Variants in DNAH14 observed in about 807,000 individuals in gnomAD.
The protein encoded by DNAH14 is axonemal beta dynein heavy chain 14.
Under a neutral mutation model 520.9 loss-of-function variants are expected in DNAH14, and 478 were observed. The observed-to-expected ratio is 0.92, with a 90% confidence interval of 0.85 to 0.99. The LOEUF is 0.99. Ranked by LOEUF, DNAH14 falls within the 50% of genes least tolerant of loss-of-function variation. The pLI, the probability that DNAH14 is intolerant of heterozygous loss-of-function variation, is 0.00. For synonymous variants in DNAH14, 1,581 were observed against 1,757.2 expected (o/e 0.90, Z 2.51); for missense variants, 4,831 against 5,234.5 (o/e 0.92, Z 2.38).
intron 43 of DNAH14, chr1:225,250,715 C>T (rs970306850): frequency 1.9e-6 from 1 of 533,086 alleles, no homozygotes; most frequent in African/African-American, 2.0e-5. Context: ...TGGGCAAGTA[C>T]CTTTATTGTG....
chr1:225,379,243 T>C (rs567479855), intron 79 of DNAH14, among the ~76,000 whole-genome samples: 1 of 152,220 alleles, frequency 6.6e-6, no homozygotes, highest in Non-Finnish European at 1.5e-5. Context: ...TCTTTTTCAT[T>C]GTCTTGCAGA....
chr1:224,964,129 C>T (rs1460206945), intron 4 of DNAH14, among the ~76,000 whole-genome samples: 1 of 152,118 alleles, frequency 6.6e-6, no homozygotes, highest in Non-Finnish European at 1.5e-5. Flanking sequence ...CTCCATCCCA[C>T]ACTGTCATCC....
intron 41 of DNAH14, among the ~76,000 whole-genome samples, chr1:225,221,900 G>T (rs901472277): frequency 2.0e-5 from 3 of 152,220 alleles, no homozygotes; most frequent in East Asian, 3.9e-4. Flanking sequence ...CAATTCAGGG[G>T]GTCAACTATG....
At chr1:225,382,183 A>T (rs745460179) in intron 81 of DNAH14, among the ~76,000 whole-genome samples, 4 of 152,190 alleles carry the variant, frequency 2.6e-5, no homozygotes, top group Non-Finnish European at 5.9e-5. Flanking sequence ...TTTGAGGGAA[A>T]TGCAAATCAA....
At chr1:225,229,885 T>G (rs1182434746) in intron 41 of DNAH14, among the ~76,000 whole-genome samples, 1 of 152,166 alleles carries the variant, frequency 6.6e-6, no homozygotes, top group Non-Finnish European at 1.5e-5. Context: ...CTGCACATTC[T>G]GCACATGTAT....
At chr1:225,000,623 A>G (rs1385279661) in intron 8 of DNAH14, among the ~76,000 whole-genome samples, 1 of 145,208 alleles carries the variant, frequency 6.9e-6, no homozygotes, top group African/African-American at 2.6e-5. Context: ...CCCAGGCTGG[A>G]TGGAGTGCAG....
intron 36 of DNAH14, among the ~76,000 whole-genome samples, chr1:225,175,679 TGTAA>T (rs1490622228): frequency 6.6e-6 from 1 of 150,540 alleles, no homozygotes; most frequent in Non-Finnish European, 1.5e-5. Context: ...TTTCTTGAGG[TGTAA>T]GTGTGTTTAT....
Position 224,939,051 on chromosome 1 carries a change from A to G in DNAH14, c.-34+9216A>G, listed in dbSNP as rs146715265. Among the ~76,000 whole-genome samples the G allele has an allele frequency of 3.6e-3, 543 of 152,328 alleles. 3 individuals are homozygous for G. The highest frequency in any genetic ancestry group is 4.9e-3 in the Non-Finnish European group (335 of 68,030). On this transcript the variant is annotated intron_variant, in intron 1 of 85. Transcript: ENST00000682510. ...TAAGGGGAGGGGGATGAATGGAAAA[A>G]GAATAAATATATTTATTACCACTGA...
intron 11 of DNAH14, chr1:225,024,066 A>C: frequency 8.4e-7 from 1 of 1,196,382 alleles, no homozygotes; most frequent in South Asian, 4.0e-5. Flanking sequence ...GATGCGCAGT[A>C]AAATTTGAAT....
chr1:225,051,355 T>C, intron 16 of DNAH14, 96 bp from the exon 17 acceptor site: 1 of 888,254 alleles, frequency 1.1e-6, no homozygotes, highest in Non-Finnish European at 1.6e-6. Context: ...CACATAGCAC[T>C]ATTATTTTAT....
intron 41 of DNAH14, among the ~76,000 whole-genome samples, chr1:225,224,395 T>C (rs994527944): frequency 1.3e-5 from 2 of 151,910 alleles, no homozygotes; most frequent in African/African-American, 4.8e-5. Flanking sequence ...CTTTCTAAAA[T>C]GGGTTTTTTT....
rs1222670030 is a variant in DNAH14, at chr1:225,185,944, TTG to T, written c.5670+521_5670+522del. Among the ~76,000 whole-genome samples the T allele has an allele frequency of 9.4e-5, 9 of 96,204 alleles. No homozygotes were observed. In the East Asian group the frequency reaches 2.2e-3, roughly 24 times the overall value. 63.1% of individuals were successfully genotyped at this position (96,204 alleles called of 152,430 possible). A position where few individuals can be genotyped will look rare whatever the true frequency, so the allele number is the denominator to read the frequency against. ...TGGAATTTTCTATTCGCATTACACT[TTG>T]TTTTTTTTTTTTTTTTTGGCTGTTA... is the stretch of plus-strand genomic sequence containing the variant. On this transcript the variant is annotated intron_variant, in intron 37 of 85. Transcript: ENST00000682510.
chr1:225,105,699 A>G (rs141890261), intron 23 of DNAH14, among the ~76,000 whole-genome samples: 39,315 of 151,758 alleles, frequency 0.26, 7,882 homozygotes, highest in African/African-American at 0.56. Context: ...TCAGAGACTA[A>G]GATTGCAACG....
intron 76 of DNAH14, among the ~76,000 whole-genome samples, chr1:225,365,176 T>C (rs1286472754): frequency 6.6e-6 from 1 of 152,210 alleles, no homozygotes; most frequent in Non-Finnish European, 1.5e-5. Flanking sequence ...GTTGTTTTCC[T>C]GCCCTTCACT....
In DNAH14 at chr1:224,967,665, A is replaced by G. The variant is rs752129317; in HGVS notation, c.651+82A>G. The G allele has an allele frequency of 3.8e-5, 61 of 1,598,456 alleles. No homozygotes were observed. In the East Asian group the frequency reaches 1.2e-3, roughly 30 times the overall value. ...AGGTAGAATTTAATTGCATACATTT[A>G]TCTTTGTGTTTCAGAGATACTTGGT... On this transcript the variant is annotated intron_variant, in intron 6 of 85. Coordinates refer to ENST00000682510, the MANE Select transcript of DNAH14 (RefSeq NM_001367479.1).
chr1:225,056,570 ATCGC>A (rs2069126255), intron 17 of DNAH14, among the ~76,000 whole-genome samples: 2 of 152,150 alleles, frequency 1.3e-5, no homozygotes, highest in South Asian at 4.1e-4. Context: ...TTCTGTTGCC[ATCGC>A]TTTTGGTGTT....
chr1:225,094,867 A>G (rs987511803), intron 21 of DNAH14, among the ~76,000 whole-genome samples: 9 of 151,762 alleles, frequency 5.9e-5, no homozygotes, highest in African/African-American at 2.2e-4. Flanking sequence ...AAAGGACACA[A>G]ACAGACACTT....
At chr1:225,127,903 G>C (rs968590092) in intron 27 of DNAH14, among the ~76,000 whole-genome samples, 1 of 152,090 alleles carries the variant, frequency 6.6e-6, no homozygotes, top group Non-Finnish European at 1.5e-5. Flanking sequence ...GGGCAGGCCT[G>C]GTGGTGACAA....
intron 73 of DNAH14, among the ~76,000 whole-genome samples, chr1:225,356,581 C>T (rs1156767943): frequency 6.6e-6 from 1 of 152,000 alleles, no homozygotes; most frequent in East Asian, 1.9e-4. Flanking sequence ...TATTAATTGA[C>T]AAATACAAAA....
Sources: allele counts gnomAD v4.1 joint callset (sites outside exome capture counted in the v4.1 genomes callset), GRCh38; gene constraint gnomAD v4.1.1; transcripts MANE v1.5; gene names NCBI Gene and HGNC (gene_info 2026-07-23, HGNC 2026-07-21).